The following RASGRP3 variants were observed in gnomAD, a reference collection of about 807,000 sequenced individuals.
RASGRP3 encodes the protein RAS guanyl releasing protein 3, also known as ras guanyl-releasing protein 3.
RASGRP3 carries 54 observed loss-of-function variants against 82.7 expected under a neutral mutation model. That is an observed-to-expected ratio of 0.65 (90% CI 0.52 to 0.82). The LOEUF (loss-of-function observed/expected upper bound fraction) is 0.82. Ranked by LOEUF, RASGRP3 falls within the 40% of genes least tolerant of loss-of-function variation. The probability of loss-of-function intolerance (pLI) is 0.00; values close to 1 mark genes in which losing one functional copy is unlikely to be tolerated. For synonymous variants in RASGRP3, 309 were observed against 300.5 expected, an observed-to-expected ratio of 1.03 and a Z score of -0.29; for missense variants, 861 against 828.9, an observed-to-expected ratio of 1.04 and a Z score of -0.48.
chr2:33,539,277 G>A lies in RASGRP3; in HGVS notation c.1278+67G>A, dbSNP rs114614113. ...CCTTTCTCTTTCCAGAATGTTCTGC[G>A]ATTGTCCAGGAATCTGATGGAACCC... On this transcript the variant is annotated intron_variant, in intron 12 of 17. Transcript: ENST00000403687. The A allele has an allele frequency of 3.2e-3, 4,084 of 1,285,762 alleles. 20 individuals are homozygous for A. The highest frequency in any genetic ancestry group is 0.011 in the Middle Eastern group (57 of 5,220). 79.6% of individuals were successfully genotyped at this position (1,285,762 alleles called of 1,614,324 possible). A position where few individuals can be genotyped will look rare whatever the true frequency, so the allele number is the denominator to read the frequency against.
intron 1 of RASGRP3, among the ~76,000 whole-genome samples, chr2:33,499,451 C>T (rs1669650944): frequency 6.6e-6 from 1 of 151,862 alleles, no homozygotes; most frequent in Non-Finnish European, 1.5e-5. Flanking sequence ...CCCAGCTACT[C>T]GAAAGGTGAG....
chr2:33,516,569 AT>A lies in RASGRP3; in HGVS notation c.101del (p.Leu34CysfsTer4). Reference protein sequence around the residue: ...FDDNGELDNSYLPRIVLLMHR... With the variant: ...FDDNGELDNSXLPRIVLLMHR... ...GACAATGGAGAGCTGGATAATAGTTATTTGCCAAGAATAGTTCTACTGATGC... is the reference window on the plus strand; with the variant it reads ...GACAATGGAGAGCTGGATAATAGTTATTGCCAAGAATAGTTCTACTGATGC... On this transcript the variant is annotated frameshift_variant, in exon 4 of 18. Coordinates refer to ENST00000403687, the MANE Select transcript of RASGRP3 (RefSeq NM_001139488.2). LOFTEE classifies it high-confidence loss of function. The A allele has an allele frequency of 1.3e-6, 2 of 1,588,984 alleles. No individual in the cohort carries two copies. The highest frequency in any genetic ancestry group is 1.1e-5 in the South Asian group (1 of 88,046).
At chr2:33,548,243 C>A (rs928459829) in intron 13 of RASGRP3, among the ~76,000 whole-genome samples, 5 of 151,362 alleles carry the variant, frequency 3.3e-5, no homozygotes, top group Admixed American at 2.0e-4. Context: ...CGCCTGTAGT[C>A]CCAGCTACTC....
chr2:33,491,054 G>C (rs1424588341), intron 1 of RASGRP3, among the ~76,000 whole-genome samples: 2 of 152,224 alleles, frequency 1.3e-5, no homozygotes, highest in Non-Finnish European at 2.9e-5. Context: ...GGTGGTTCAT[G>C]CCTGTAATCC....
chr2:33,527,757 A>G (rs1436460555), intron 10 of RASGRP3, among the ~76,000 whole-genome samples: 1 of 152,134 alleles, frequency 6.6e-6, no homozygotes, highest in Admixed American at 6.5e-5. Context: ...TCCTCCAGTC[A>G]TCTGCTCCTC....
intron 1 of RASGRP3, among the ~76,000 whole-genome samples, chr2:33,491,623 AGTCTG>A (rs1668852080): frequency 6.6e-6 from 1 of 152,254 alleles, no homozygotes; most frequent in Non-Finnish European, 1.5e-5. Flanking sequence ...CAGTTTCCTT[AGTCTG>A]GAGACTGCAT....
rs979936812 is a variant in RASGRP3, at chr2:33,511,777, C to T, written c.-193C>T. ...TACAGACTGCTTCTTCCATGCATTTCCCAATGATGCTAGCTGCCCTTAAAA... is the reference window on the plus strand; with the variant it reads ...TACAGACTGCTTCTTCCATGCATTTTCCAATGATGCTAGCTGCCCTTAAAA... On this transcript the variant is annotated 5_prime_UTR_variant, in exon 2 of 18. Coordinates refer to ENST00000403687, the MANE Select transcript of RASGRP3 (RefSeq NM_001139488.2). 2.0e-5 allele frequency: 3 copies of T among 152,590 alleles called. No homozygotes were observed. Among genetic ancestry groups the T allele is most frequent in the Non-Finnish European group, 2.9e-5 (2 of 68,040 alleles). The allele number at this position is 152,590 out of a possible 1,614,324, so 9.5% of individuals were successfully genotyped here. A position where few individuals can be genotyped will look rare whatever the true frequency, so the allele number is the denominator to read the frequency against.
At chr2:33,477,212 C>G (rs577655509) in intron 1 of RASGRP3, among the ~76,000 whole-genome samples, 1 of 152,282 alleles carries the variant, frequency 6.6e-6, no homozygotes, top group African/African-American at 2.4e-5. Flanking sequence ...GAGAATATCT[C>G]ATTTAACTGT....
chr2:33,526,108 T>G (rs1405004320), intron 9 of RASGRP3, among the ~76,000 whole-genome samples: 3 of 152,236 alleles, frequency 2.0e-5, no homozygotes, highest in Non-Finnish European at 2.9e-5. Flanking sequence ...AACTCAGGTC[T>G]TAGGTCCATC....
intron 1 of RASGRP3, among the ~76,000 whole-genome samples, chr2:33,443,266 A>T (rs924658047): frequency 1.3e-5 from 2 of 152,222 alleles, no homozygotes; most frequent in African/African-American, 4.8e-5. Flanking sequence ...TGAATTAATG[A>T]TTCAATATCT....
chr2:33,455,019 G>T lies in RASGRP3; in HGVS notation c.-261+7076G>T, dbSNP rs1455943. Reference sequence around the variant, plus strand: ...TACATGCTCATCTGGGCCAAGGTAGGGGGGGCATAAGGGGTGGTTGAATGT... The same window carrying T: ...TACATGCTCATCTGGGCCAAGGTAGTGGGGGCATAAGGGGTGGTTGAATGT... On this transcript the variant is annotated intron_variant, in intron 2 of 18. Coordinates refer to the RASGRP3 transcript ENST00000402538. Among the ~76,000 whole-genome samples, 15 of 152,052 alleles carry T rather than the reference G, an allele frequency of 9.9e-5. No homozygotes were observed. The East Asian group carries it at 2.3e-3, about 24-fold the overall frequency.
At chr2:33,481,616 C>T (rs1355100840) in intron 1 of RASGRP3, 1 of 152,190 alleles carries the variant, frequency 6.6e-6, no homozygotes, top group Non-Finnish European at 1.5e-5. Context: ...TGCGACATGC[C>T]ACTCATGATA....
At chr2:33,473,195 A>ACTACTAAAAATACATGTCT (rs566513483), upstream of RASGRP3, among the ~76,000 whole-genome samples, 9 of 152,256 alleles carry the variant, frequency 5.9e-5, no homozygotes, top group South Asian at 1.9e-3. Context: ...ACCCCATGTT[A>ACTACTAAAAATACATGTCT]CTACTAAAAA....
At chr2:33,497,523 C>G (rs1488744626) in intron 1 of RASGRP3, among the ~76,000 whole-genome samples, 1 of 152,210 alleles carries the variant, frequency 6.6e-6, no homozygotes, top group Non-Finnish European at 1.5e-5. Flanking sequence ...TCCACTCCCC[C>G]AAATTGTTTT....
At chr2:33,470,572 G>T (rs1054330559) in intron 2 of RASGRP3, among the ~76,000 whole-genome samples, 6 of 151,836 alleles carry the variant, frequency 4.0e-5, no homozygotes, top group Non-Finnish European at 7.4e-5. Context: ...GTAGAGACAG[G>T]GTTTCACCGT....
intron 2 of RASGRP3, among the ~76,000 whole-genome samples, chr2:33,464,110 A>ATTATTATTATTATT (rs1558406230): frequency 2.5e-4 from 36 of 144,260 alleles, no homozygotes; most frequent in African/African-American, 8.3e-4. Flanking sequence ...TAATAATAAT[A>ATTATTATTATTATT]ATTATTATTA....
At chr2:33,496,743 A>G (rs1669353520) in intron 1 of RASGRP3, among the ~76,000 whole-genome samples, 2 of 152,224 alleles carry the variant, frequency 1.3e-5, no homozygotes, top group South Asian at 2.1e-4. Flanking sequence ...TGTAGTCCCA[A>G]CTACTCAGAA....
chr2:33,547,090 A>C (rs920286184), intron 13 of RASGRP3, among the ~76,000 whole-genome samples: 1 of 149,646 alleles, frequency 6.7e-6, no homozygotes, highest in African/African-American at 2.5e-5. Flanking sequence ...AGAGAATGAG[A>C]TCATGTGTTT....
At chr2:33,469,462 AT>A (rs113071930) in intron 2 of RASGRP3, among the ~76,000 whole-genome samples, 7,452 of 141,576 alleles carry the variant, frequency 0.053, 491 homozygotes, top group African/African-American at 0.17. Context: ...TTTGTATGTG[AT>A]TTTTTTTTTT....
Sources: allele counts gnomAD v4.1 joint callset (sites outside exome capture counted in the v4.1 genomes callset), GRCh38; gene constraint gnomAD v4.1.1; transcripts MANE v1.5; gene names NCBI Gene and HGNC (gene_info 2026-07-23, HGNC 2026-07-21).